Variants in RBFOX1 observed in about 807,000 individuals in gnomAD.
RBFOX1 encodes the protein RNA binding protein fox-1 homolog 1.
RBFOX1 carries 8 observed loss-of-function variants against 57.7 expected under a neutral mutation model. The observed-to-expected ratio is 0.14, with a 90% confidence interval of 0.08 to 0.25. The LOEUF (loss-of-function observed/expected upper bound fraction) is 0.25, where lower values mean the gene tolerates loss of function less well. RBFOX1 is among the 10% of genes least tolerant of loss of function. The probability of loss-of-function intolerance (pLI) is 1.00; values close to 1 mark genes in which losing one functional copy is unlikely to be tolerated. For synonymous variants in RBFOX1, 326 were observed against 222.4 expected, an observed-to-expected ratio of 1.47 and a Z score of -4.15; for missense variants, 611 against 548.5, an observed-to-expected ratio of 1.11 and a Z score of -1.14.
chr16:6,905,089 G>C (rs1254369872), intron 3 of RBFOX1, among the ~76,000 whole-genome samples: 2 of 152,044 alleles, frequency 1.3e-5, no homozygotes, highest in African/African-American at 4.8e-5. Context: ...TCTTCCCTGG[G>C]AGTCAGTGTT....
At chr16:6,729,223 A>C (rs963048090) in intron 3 of RBFOX1, among the ~76,000 whole-genome samples, 2 of 152,176 alleles carry the variant, frequency 1.3e-5, no homozygotes, top group African/African-American at 4.8e-5. Context: ...TATGTATATA[A>C]TTGGGGTCAC....
intron 4 of RBFOX1, among the ~76,000 whole-genome samples, chr16:7,186,939 C>T (rs2083981414): frequency 7.2e-6 from 1 of 139,330 alleles, no homozygotes; most frequent in Non-Finnish European, 1.5e-5. Context: ...AGGCAAATTG[C>T]TTGAGACTGG....
At chr16:7,709,508 C>A in intron 15 of RBFOX1, 6 of 1,527,224 alleles carry the variant, frequency 3.9e-6, no homozygotes, top group Non-Finnish European at 5.2e-6. Context: ...AAGGTTCCAG[C>A]CCCAGCACAG....
At chr16:6,781,279 C>A (rs999496110) in intron 3 of RBFOX1, among the ~76,000 whole-genome samples, 2 of 152,036 alleles carry the variant, frequency 1.3e-5, no homozygotes, top group Admixed American at 1.3e-4. Flanking sequence ...GGAATGATTC[C>A]CATTTGATCA....
At chr16:5,812,043 G>A (rs886091716) in intron 3 of RBFOX1, among the ~76,000 whole-genome samples, 14 of 152,152 alleles carry the variant, frequency 9.2e-5, no homozygotes, top group Admixed American at 4.6e-4. Context: ...TAGAAAGAAC[G>A]TAGTCTTTTG....
At chr16:5,446,556 C>T (rs1597099067) in intron 1 of RBFOX1, among the ~76,000 whole-genome samples, 1 of 152,110 alleles carries the variant, frequency 6.6e-6, no homozygotes, top group African/African-American at 2.4e-5. Flanking sequence ...CTTCCTCCTC[C>T]TCCTGTTTTT....
intron 6 of RBFOX1, 132 bp from the exon 7 acceptor site, chr16:7,587,115 C>G: frequency 8.8e-7 from 1 of 1,138,740 alleles, no homozygotes; most frequent in Non-Finnish European, 1.1e-6. Flanking sequence ...AGCACATTAA[C>G]CATAAAACAT....
At chr16:7,140,250 A>AT (rs1312611386) in intron 4 of RBFOX1, among the ~76,000 whole-genome samples, 14 of 29,124 alleles carry the variant, frequency 4.8e-4, no homozygotes, top group African/African-American at 1.6e-3. Flanking sequence ...AATTTTGTCC[A>AT]TTTTTTTTTA....
chr16:6,489,439 A>G (rs576392617), intron 2 of RBFOX1, among the ~76,000 whole-genome samples: 4 of 152,282 alleles, frequency 2.6e-5, no homozygotes, highest in Admixed American at 6.5e-5. Context: ...GTTTTTATCT[A>G]CTTTTTACAA....
chr16:6,560,109 G>T (rs1259744558), intron 2 of RBFOX1, among the ~76,000 whole-genome samples: 2 of 149,174 alleles, frequency 1.3e-5, no homozygotes, highest in Non-Finnish European at 3.0e-5. Context: ...GTATCACATT[G>T]TGCGGTGGGG....
At chr16:6,942,840 G>C (rs1303919788) in intron 3 of RBFOX1, among the ~76,000 whole-genome samples, 1 of 152,192 alleles carries the variant, frequency 6.6e-6, no homozygotes. Flanking sequence ...AACAGGTTTT[G>C]AGGAGGACAG....
At chr16:6,177,113 TC>T (rs959790203) in intron 1 of RBFOX1, among the ~76,000 whole-genome samples, 1 of 152,090 alleles carries the variant, frequency 6.6e-6, no homozygotes, top group Non-Finnish European at 1.5e-5. Flanking sequence ...TATTTGTTGT[TC>T]CGGTGATTTT....
At chr16:6,427,950 G>A (rs1171656842) in intron 2 of RBFOX1, among the ~76,000 whole-genome samples, 1 of 152,066 alleles carries the variant, frequency 6.6e-6, no homozygotes, top group Non-Finnish European at 1.5e-5. Context: ...GTATTGCTGT[G>A]AGGGCTCAGG....
At chr16:6,537,217 A>T (rs563757003) in intron 2 of RBFOX1, among the ~76,000 whole-genome samples, 1 of 152,258 alleles carries the variant, frequency 6.6e-6, no homozygotes, top group South Asian at 2.1e-4. Context: ...CGGCACTTCT[A>T]ATAAGCTTCC....
At chr16:7,144,832 G>T (rs1040325834) in intron 4 of RBFOX1, among the ~76,000 whole-genome samples, 2 of 152,136 alleles carry the variant, frequency 1.3e-5, no homozygotes, top group Non-Finnish European at 2.9e-5. Flanking sequence ...TATGGCCCGA[G>T]AAGGTGATTG....
chr16:5,866,254 G>A (rs1341183825), intron 3 of RBFOX1, among the ~76,000 whole-genome samples: 1 of 152,122 alleles, frequency 6.6e-6, no homozygotes, highest in Non-Finnish European at 1.5e-5. Context: ...TAGGCATGAG[G>A]CATTGTGCCC....
At chr16:7,426,755 G>C (rs1011215318) in intron 4 of RBFOX1, among the ~76,000 whole-genome samples, 1 of 152,046 alleles carries the variant, frequency 6.6e-6, no homozygotes, top group African/African-American at 2.4e-5. Flanking sequence ...TTAGAAGCTA[G>C]AGTGAAGTGG....
chr16:5,635,488 T>A (rs939920494), intron 3 of RBFOX1, among the ~76,000 whole-genome samples: 2 of 152,222 alleles, frequency 1.3e-5, no homozygotes, highest in African/African-American at 2.4e-5. Context: ...CTTCATTGAT[T>A]AGAGCCTTCT....
At chr16:7,581,986 G>A (rs555056097) in intron 6 of RBFOX1, among the ~76,000 whole-genome samples, 1 of 151,824 alleles carries the variant, frequency 6.6e-6, no homozygotes, top group Non-Finnish European at 1.5e-5. Context: ...CAATGTGCTG[G>A]GATTACAGCA....
Sources: gnomAD v4.1 joint callset for allele counts (sites outside exome capture counted in the v4.1 genomes callset) on GRCh38, gnomAD v4.1.1 for gene constraint, MANE v1.5 for transcripts, NCBI Gene and HGNC (gene_info 2026-07-23, HGNC 2026-07-21) for gene names.